Variants in GLRA1 observed in about 807,000 individuals in gnomAD.
The protein encoded by GLRA1 is glycine receptor alpha 1, also known as glycine receptor subunit alpha-1.
A neutral mutation model predicts 48.3 loss-of-function variants in GLRA1; 37 were observed. The observed-to-expected ratio is 0.77, with a 90% CI of 0.59 to 1.01. GLRA1 has a LOEUF of 1.01. GLRA1 is among the 50% of genes least tolerant of loss of function. The probability of loss-of-function intolerance (pLI) is 0.00; values close to 1 mark genes in which losing one functional copy is unlikely to be tolerated. For synonymous variants in GLRA1, 196 were observed against 210.7 expected (o/e 0.93, Z 0.60); for missense variants, 427 against 571.0 (o/e 0.75, Z 2.57).
At chr5:151,859,742 A>G (rs779404967) in intron 4 of GLRA1, 43 bp downstream of exon 4, 4 of 1,381,414 alleles carry the variant, frequency 2.9e-6, no homozygotes, top group East Asian at 2.3e-5. Flanking sequence ...GTGGGGCAAG[A>G]CATGTTCTGA....
At chr5:151,861,586 G>C (rs972842911) in intron 3 of GLRA1, among the ~76,000 whole-genome samples, 1 of 150,970 alleles carries the variant, frequency 6.6e-6, no homozygotes, top group African/African-American at 2.4e-5. Flanking sequence ...TTGTTTTTTT[G>C]CTTGTAAATT....
intron 7 of GLRA1, among the ~76,000 whole-genome samples, chr5:151,837,935 T>C (rs971247056): frequency 6.6e-6 from 1 of 152,174 alleles, no homozygotes; most frequent in African/African-American, 2.4e-5. Context: ...GTTCTGCACA[T>C]GTATCCCAGA....
intron 7 of GLRA1, among the ~76,000 whole-genome samples, chr5:151,831,241 G>C (rs562878511): frequency 6.6e-6 from 1 of 152,230 alleles, no homozygotes; most frequent in Admixed American, 6.5e-5. Flanking sequence ...CAGACACCGA[G>C]CTAGCTGCAG....
intron 6 of GLRA1, among the ~76,000 whole-genome samples, chr5:151,854,151 G>A (rs944928877): frequency 3.9e-5 from 6 of 152,360 alleles, no homozygotes; most frequent in Admixed American, 3.9e-4. Context: ...TTTCATGGCT[G>A]CTATGGGAAT....
intron 1 of GLRA1, among the ~76,000 whole-genome samples, chr5:151,908,289 A>G (rs1487325163): frequency 6.6e-6 from 1 of 152,196 alleles, no homozygotes; most frequent in African/African-American, 2.4e-5. Context: ...CTTTTCTTTC[A>G]ACAAGATAAG....
At chr5:151,862,245 T>C (rs1753226494) in intron 3 of GLRA1, among the ~76,000 whole-genome samples, 1 of 152,196 alleles carries the variant, frequency 6.6e-6, no homozygotes, top group South Asian at 2.1e-4. Flanking sequence ...AAGCCGAAAC[T>C]GGATCCCTTC....
Position 151,917,692 on chromosome 5 carries a change from C to T in GLRA1, c.56+6802G>A, listed in dbSNP as rs79263303. Among the ~76,000 whole-genome samples, 1,326 of 152,214 alleles carry T rather than the reference C, an allele frequency of 8.7e-3. 17 individuals carry two copies. The highest frequency in any genetic ancestry group is 0.031 in the African/African-American group (1,275 of 41,520). On this transcript the variant is annotated intron_variant, in intron 1 of 8. Coordinates refer to ENST00000274576, the MANE Select transcript of GLRA1 (RefSeq NM_000171.4). ...TTGGGAATCTGTCTTTTTGACAAGC[C>T]CCTCACAGCTAACTTTGACAGCCAT... is the stretch of plus-strand genomic sequence containing the variant.
At chr5:151,876,940 T>G (rs1753641547) in intron 3 of GLRA1, among the ~76,000 whole-genome samples, 1 of 152,116 alleles carries the variant, frequency 6.6e-6, no homozygotes, top group African/African-American at 2.4e-5. Context: ...GATCTCTCTC[T>G]CTCTCTCTCT....
intron 3 of GLRA1, among the ~76,000 whole-genome samples, chr5:151,869,773 A>C (rs916817513): frequency 1.3e-5 from 2 of 149,730 alleles, no homozygotes; most frequent in African/African-American, 5.1e-5. Flanking sequence ...CTTTTCATCA[A>C]CCTAGCATAC....
intron 1 of GLRA1, among the ~76,000 whole-genome samples, chr5:151,921,151 G>C (rs1754863720): frequency 6.6e-6 from 1 of 152,142 alleles, no homozygotes; most frequent in South Asian, 2.1e-4. Flanking sequence ...TCATCTTTTG[G>C]GAAAACCACC....
chr5:151,849,920 C>T, intron 7 of GLRA1: 1 of 1,543,998 alleles, frequency 6.5e-7, no homozygotes. Context: ...TTTCATGCCT[C>T]CTGCCATGTT....
At chr5:151,867,339 A>G (rs1753363972) in intron 3 of GLRA1, among the ~76,000 whole-genome samples, 1 of 152,138 alleles carries the variant, frequency 6.6e-6, no homozygotes, top group Non-Finnish European at 1.5e-5. Context: ...GGCCAGCGAT[A>G]TGCTCTAAGC....
At chr5:151,913,525 C>T (rs115310632) in intron 1 of GLRA1, among the ~76,000 whole-genome samples, 1,845 of 152,182 alleles carry the variant, frequency 0.012, 36 homozygotes, top group African/African-American at 0.042. Flanking sequence ...CTGAGAGTTT[C>T]GTATTATGTT....
Position 151,906,250 on chromosome 5 carries a change from G to A in GLRA1, c.57-13812C>T, listed in dbSNP as rs79305759. ...CACAGAGAAACTACTGAGTATGTTA[G>A]CAATTATTACAAATAAAAATAAGGT... On this transcript the variant is annotated intron_variant, in intron 1 of 8. Transcript: ENST00000274576. Among the ~76,000 whole-genome samples the A allele has an allele frequency of 8.8e-3, 1,333 of 152,254 alleles. 19 individuals are homozygous for A. Among genetic ancestry groups the A allele is most frequent in the African/African-American group, 0.031 (1,283 of 41,540 alleles).
chr5:151,923,133 T>A (rs778921054), intron 1 of GLRA1, among the ~76,000 whole-genome samples: 1 of 152,236 alleles, frequency 6.6e-6, no homozygotes, highest in Non-Finnish European at 1.5e-5. Flanking sequence ...CAGGACTCTG[T>A]GGCCTACAAA....
In GLRA1 at chr5:151,876,028, C is replaced by T. The variant is rs567250936; in HGVS notation, c.252+10693G>A. Among the ~76,000 whole-genome samples the T allele has an allele frequency of 1.5e-4, 23 of 152,328 alleles. No homozygotes were observed. In the East Asian group the frequency reaches 4.4e-3, roughly 29 times the overall value. Reference sequence around the variant, plus strand: ...AAATTACCTGGCTTTCAGAAAAGTGCTCAGTAAATGACAAACACCAATACT... The same window carrying T: ...AAATTACCTGGCTTTCAGAAAAGTGTTCAGTAAATGACAAACACCAATACT... On this transcript the variant is annotated intron_variant, in intron 3 of 8. Transcript: ENST00000274576.
At chr5:151,911,695 T>C (rs573892531) in intron 1 of GLRA1, among the ~76,000 whole-genome samples, 1 of 134,318 alleles carries the variant, frequency 7.4e-6, no homozygotes, top group Non-Finnish European at 1.5e-5. Context: ...AAGCTCCACC[T>C]CCCGGGTTCA....
At chr5:151,892,523 A>G (rs796735597) in intron 1 of GLRA1, 85 bp from the exon 2 acceptor site, 1 of 1,415,470 alleles carries the variant, frequency 7.1e-7, no homozygotes, top group Non-Finnish European at 9.9e-7. Flanking sequence ...CAACCTCTGT[A>G]GAACCACAAG....
intron 4 of GLRA1, among the ~76,000 whole-genome samples, chr5:151,858,815 G>A (rs1753118827): frequency 6.6e-6 from 1 of 152,162 alleles, no homozygotes; most frequent in African/African-American, 2.4e-5. Flanking sequence ...AGCAGGAGGA[G>A]AAGACATTTA....
Sources: gnomAD v4.1 joint callset for allele counts (sites outside exome capture counted in the v4.1 genomes callset) on GRCh38, gnomAD v4.1.1 for gene constraint, MANE v1.5 for transcripts, NCBI Gene and HGNC (gene_info 2026-07-23, HGNC 2026-07-21) for gene names.